PTPRG: variants seen among roughly 807,000 people sequenced by gnomAD.
PTPRG encodes the protein receptor-type tyrosine-protein phosphatase gamma.
A neutral mutation model predicts 165.3 loss-of-function variants in PTPRG; 102 were observed. That is an observed-to-expected ratio of 0.62 (90% confidence interval 0.53 to 0.73). PTPRG has a LOEUF of 0.73. Among genes scored for constraint, PTPRG ranks in the 30% least tolerant of loss-of-function variants. The pLI is 0.00. For missense variants in PTPRG, 1,866 were observed against 1,861.4 expected (o/e 1.00, Z -0.05); for synonymous variants, 675 against 669.5 (o/e 1.01, Z -0.13).
chr3:61,704,117 GT>G (rs1160318068), intron 1 of PTPRG, among the ~76,000 whole-genome samples: 2 of 152,168 alleles, frequency 1.3e-5, no homozygotes, highest in Non-Finnish European at 2.9e-5. Context: ...GCACAAATTG[GT>G]TGTCTGCAAG....
rs185908522 is a variant in PTPRG at position 61,854,565 on chromosome 3, C to T, written c.190+105583C>T. On this transcript the variant is annotated intron_variant, in intron 2 of 29. Transcript: ENST00000474889. Reference sequence around the variant, plus strand: ...ACATATGAATACATGCTTTTTAAAACGTGCACTATTAGGGAAACTGTACTG... The same window carrying T: ...ACATATGAATACATGCTTTTTAAAATGTGCACTATTAGGGAAACTGTACTG... Among the ~76,000 whole-genome samples, 175 of 152,244 alleles carry T rather than the reference C, an allele frequency of 1.1e-3. 2 individuals are homozygous for T. The highest frequency in any genetic ancestry group is 3.8e-3 in the African/African-American group (156 of 41,558).
At chr3:61,564,801 G>A (rs1041290897) in intron 1 of PTPRG, among the ~76,000 whole-genome samples, 10 of 152,152 alleles carry the variant, frequency 6.6e-5, no homozygotes, top group Admixed American at 6.5e-4. Context: ...TCAGGGATGG[G>A]GCGCGCGTGC....
Position 62,222,359 on chromosome 3 carries a change from G to A in PTPRG, c.2288+3376G>A, listed in dbSNP as rs1170130534. ...GATTTGCTGTCTGTGTGGTCTTCTC[G>A]CTCAAGCAGGCCCTCTGCCTGTTTG... is the stretch of plus-strand genomic sequence containing the variant. On this transcript the variant is annotated intron_variant, in intron 13 of 29. Transcript: ENST00000474889. This position sits in a 1 kb window ranked among gnomAD's most constrained non-coding sequence, Gnocchi z 4.5. Among the ~76,000 whole-genome samples the A allele has an allele frequency of 6.6e-6, 1 of 152,150 alleles. No homozygotes were observed. The highest frequency in any genetic ancestry group is 2.4e-5 in the African/African-American group (1 of 41,442).
intron 2 of PTPRG, among the ~76,000 whole-genome samples, chr3:61,935,512 A>C (rs541704810): frequency 6.6e-6 from 1 of 152,288 alleles, no homozygotes; most frequent in South Asian, 2.1e-4. Context: ...ATCTTTCTCC[A>C]GATGCAAAAA....
intron 1 of PTPRG, among the ~76,000 whole-genome samples, chr3:61,621,887 TAG>T (rs1440562172): frequency 6.6e-6 from 1 of 152,212 alleles, no homozygotes; most frequent in African/African-American, 2.4e-5. Flanking sequence ...TAGAATTAAG[TAG>T]AGAACACGGG....
At chr3:61,952,302 G>A (rs1359593429) in intron 2 of PTPRG, among the ~76,000 whole-genome samples, 1 of 152,070 alleles carries the variant, frequency 6.6e-6, no homozygotes, top group Non-Finnish European at 1.5e-5. Context: ...TTTGCTTTAA[G>A]CAGTGTTAGG....
At chr3:62,137,006 G>A (rs1399108751) in intron 6 of PTPRG, among the ~76,000 whole-genome samples, 1 of 152,120 alleles carries the variant, frequency 6.6e-6, no homozygotes, top group African/African-American at 2.4e-5. Context: ...TAGGCAAATT[G>A]TGACTTTTAC....
At chr3:61,673,618 A>G (rs1703110921) in intron 1 of PTPRG, among the ~76,000 whole-genome samples, 1 of 152,226 alleles carries the variant, frequency 6.6e-6, no homozygotes, top group Admixed American at 6.5e-5. Flanking sequence ...GTATAAATCT[A>G]TGCAAGTACA....
chr3:61,991,984 G>C (rs1489581099), intron 3 of PTPRG, among the ~76,000 whole-genome samples: 1 of 152,106 alleles, frequency 6.6e-6, no homozygotes, highest in African/African-American at 2.4e-5. Flanking sequence ...ACAACCTGTT[G>C]CATATCTCTG....
At chr3:61,879,991 C>T (rs1351789089) in intron 2 of PTPRG, among the ~76,000 whole-genome samples, 1 of 152,214 alleles carries the variant, frequency 6.6e-6, no homozygotes, top group Non-Finnish European at 1.5e-5. Flanking sequence ...GAAGTATTCA[C>T]TTCAAAAATG....
At chr3:62,285,131 T>C (rs1212990695) in intron 28 of PTPRG, among the ~76,000 whole-genome samples, 1 of 152,050 alleles carries the variant, frequency 6.6e-6, no homozygotes, top group African/African-American at 2.4e-5. Context: ...AGGCCAGCAA[T>C]GGTAATTTAT....
chr3:61,811,401 C>T (rs1470294094), intron 2 of PTPRG, among the ~76,000 whole-genome samples: 2 of 152,128 alleles, frequency 1.3e-5, no homozygotes, highest in African/African-American at 4.8e-5. Context: ...TCCTTTTTTC[C>T]CCTCTTGCTT....
intron 2 of PTPRG, among the ~76,000 whole-genome samples, chr3:61,918,339 A>C (rs1199381191): frequency 6.6e-6 from 1 of 152,190 alleles, no homozygotes; most frequent in Admixed American, 6.5e-5. Context: ...GAGAAAGGAA[A>C]TCAGTTATTG....
rs1307086997 is a variant in PTPRG at position 61,742,710 on chromosome 3, C to T, written c.86-6168C>T. On this transcript the variant is annotated intron_variant, in intron 1 of 29. Coordinates refer to ENST00000474889, the MANE Select transcript of PTPRG (RefSeq NM_002841.4). Reference sequence around the variant, plus strand: ...CGTTGTGTGTGAGCAGGGAAGGGAACTTTCCTGCCTTATTTAGACCTGGGC... The same window carrying T: ...CGTTGTGTGTGAGCAGGGAAGGGAATTTTCCTGCCTTATTTAGACCTGGGC... The T allele has an allele frequency of 3.1e-6, 5 of 1,607,652 alleles. No individual in the cohort carries two copies. The East Asian group carries it at 1.1e-4, about 36-fold the overall frequency.
intron 2 of PTPRG, among the ~76,000 whole-genome samples, chr3:61,940,484 C>G (rs1011796109): frequency 6.6e-6 from 1 of 151,860 alleles, no homozygotes; most frequent in Non-Finnish European, 1.5e-5. Flanking sequence ...TTTTTTTTCT[C>G]CTTCACTGAT....
At chr3:61,707,983 T>C (rs2031346847) in intron 1 of PTPRG, among the ~76,000 whole-genome samples, 1 of 152,134 alleles carries the variant, frequency 6.6e-6, no homozygotes, top group Non-Finnish European at 1.5e-5. Flanking sequence ...GAGATAGGGT[T>C]TCACCATGTT....
At chr3:61,797,583 C>CAA (rs377742473) in intron 2 of PTPRG, among the ~76,000 whole-genome samples, 4 of 57,312 alleles carry the variant, frequency 7.0e-5, no homozygotes, top group African/African-American at 1.1e-4. Flanking sequence ...ATCTCCACAC[C>CAA]CCCCCCCACC....
chr3:61,833,946 T>G (rs956036634), intron 2 of PTPRG, among the ~76,000 whole-genome samples: 5 of 152,348 alleles, frequency 3.3e-5, no homozygotes, highest in Non-Finnish European at 7.3e-5. Flanking sequence ...CACAAAGTTA[T>G]GGGTCTTCCT....
At chr3:62,038,272 G>C (rs890685945) in intron 4 of PTPRG, among the ~76,000 whole-genome samples, 1 of 152,196 alleles carries the variant, frequency 6.6e-6, no homozygotes, top group African/African-American at 2.4e-5. Flanking sequence ...GGTAATGCAG[G>C]CCCACCTTCA....
Sources: gnomAD v4.1 joint callset for allele counts (sites outside exome capture counted in the v4.1 genomes callset) on GRCh38, gnomAD v4.1.1 for gene constraint, Gnocchi (gnomAD v3.1) non-coding constraint, MANE v1.5 for transcripts, NCBI Gene and HGNC (gene_info 2026-07-23, HGNC 2026-07-21) for gene names.